Variants in PDS5B observed in about 807,000 individuals in gnomAD.
PDS5B encodes the protein sister chromatid cohesion protein PDS5 homolog B.
A neutral mutation model predicts 184.1 loss-of-function variants in PDS5B; 51 were observed. That is an observed-to-expected ratio of 0.28 (90% CI 0.22 to 0.35). The LOEUF is 0.35. Among genes scored for constraint, PDS5B ranks in the 10% least tolerant of loss-of-function variants. The pLI, the probability that PDS5B is intolerant of heterozygous loss-of-function variation, is 1.00. For missense variants in PDS5B, 1,180 were observed against 1,723.3 expected (o/e 0.68, Z 5.58); for synonymous variants, 566 against 569.2 (o/e 0.99, Z 0.08).
At chr13:32,615,805 A>T (rs1463867293) in intron 1 of PDS5B, among the ~76,000 whole-genome samples, 1 of 152,330 alleles carries the variant, frequency 6.6e-6, no homozygotes, top group East Asian at 1.9e-4. Flanking sequence ...AAGTACATAT[A>T]AGTAACTTAT....
At chr13:32,755,716 C>T in intron 25 of PDS5B, 126 bp from the exon 26 acceptor site, 1 of 535,504 alleles carries the variant, frequency 1.9e-6, no homozygotes, top group Non-Finnish European at 3.4e-6. Flanking sequence ...TGTTGGGATG[C>T]AGAAAATATA....
chr13:32,775,531 G>C lies in PDS5B; in HGVS notation c.*479G>C, dbSNP rs898449104. On this transcript the variant is annotated 3_prime_UTR_variant, in exon 35 of 35. Coordinates refer to ENST00000315596, the MANE Select transcript of PDS5B (RefSeq NM_015032.4). ...TTTCAACAATTGGTGTCATTTTCTT[G>C]ATGTCACTATTTGTTGGAGAGTTAA... is the stretch of plus-strand genomic sequence containing the variant. 5.4e-6 allele frequency: 2 copies of C among 369,940 alleles called. No individual in the cohort carries two copies. Among genetic ancestry groups the C allele is most frequent in the African/African-American group, 4.3e-5 (2 of 46,092 alleles). The allele number at this position is 369,940 out of a possible 1,614,324, so 22.9% of individuals were successfully genotyped here. A position where few individuals can be genotyped will look rare whatever the true frequency, so the allele number is the denominator to read the frequency against.
At chr13:32,604,572 A>C (rs2140491574) in intron 1 of PDS5B, among the ~76,000 whole-genome samples, 1 of 152,170 alleles carries the variant, frequency 6.6e-6, no homozygotes, top group African/African-American at 2.4e-5. Context: ...TGGTGTCAGG[A>C]TGATGTTGGC....
At chr13:32,665,224 A>C (rs1950752076) in intron 6 of PDS5B, among the ~76,000 whole-genome samples, 1 of 152,234 alleles carries the variant, frequency 6.6e-6, no homozygotes, top group Admixed American at 6.5e-5. Context: ...CTTAGACCAT[A>C]CATAAGAATA....
chr13:32,614,148 AAATTGGG>A (rs1167947951), intron 1 of PDS5B, among the ~76,000 whole-genome samples: 2 of 152,188 alleles, frequency 1.3e-5, no homozygotes, highest in African/African-American at 4.8e-5. Context: ...GTAAGTTATG[AAATTGGG>A]AATTGTGAGC....
chr13:32,695,822 A>C (rs1297273533), intron 14 of PDS5B, among the ~76,000 whole-genome samples: 1 of 152,082 alleles, frequency 6.6e-6, no homozygotes, highest in Admixed American at 6.6e-5. Flanking sequence ...TGAAATCACT[A>C]GATACAGTCT....
chr13:32,737,115 A>G (rs1010233379), intron 21 of PDS5B, among the ~76,000 whole-genome samples: 7 of 152,060 alleles, frequency 4.6e-5, no homozygotes, highest in African/African-American at 1.4e-4. Flanking sequence ...TACCTTGTAC[A>G]TATATTGCTT....
At chr13:32,733,437 A>C (rs1953194935) in intron 20 of PDS5B, among the ~76,000 whole-genome samples, 2 of 152,280 alleles carry the variant, frequency 1.3e-5, no homozygotes, top group South Asian at 4.1e-4. Flanking sequence ...TAATTGAAAA[A>C]ACTACACTAT....
chr13:32,722,717 AG>A (rs1447076232), intron 19 of PDS5B, among the ~76,000 whole-genome samples: 1 of 152,224 alleles, frequency 6.6e-6, no homozygotes, highest in Non-Finnish European at 1.5e-5. Context: ...TTGGTAATTC[AG>A]GGATACAAAT....
At chr13:32,643,805 A>C (rs1255911634) in intron 1 of PDS5B, among the ~76,000 whole-genome samples, 2 of 152,174 alleles carry the variant, frequency 1.3e-5, no homozygotes, top group Non-Finnish European at 2.9e-5. Context: ...ATGTTTGCAC[A>C]ACAATAAAAT....
At chr13:32,771,280 C>G (rs1196760180) in intron 33 of PDS5B, among the ~76,000 whole-genome samples, 2 of 151,878 alleles carry the variant, frequency 1.3e-5, no homozygotes, top group African/African-American at 4.8e-5. Context: ...GTTTTCTAAC[C>G]CAGTTCATTT....
At chr13:32,739,432 T>A (rs1953462352) in intron 21 of PDS5B, among the ~76,000 whole-genome samples, 1 of 152,206 alleles carries the variant, frequency 6.6e-6, no homozygotes, top group African/African-American at 2.4e-5. Flanking sequence ...CTAAATAAAG[T>A]TTTTAAGATT....
At chr13:32,704,616 T>C (rs1363780615) in intron 17 of PDS5B, among the ~76,000 whole-genome samples, 3 of 152,238 alleles carry the variant, frequency 2.0e-5, no homozygotes, top group Non-Finnish European at 4.4e-5. Context: ...TCCTTTATTA[T>C]AGCGTAAATT....
At chr13:32,717,006 C>T (rs1196205784) in intron 19 of PDS5B, among the ~76,000 whole-genome samples, 8 of 85,600 alleles carry the variant, frequency 9.3e-5, no homozygotes, top group Admixed American at 2.9e-4. Context: ...CTGCCCCGTC[C>T]GGGAGGGAGG....
At chr13:32,680,758 T>C (rs556123409) in intron 10 of PDS5B, among the ~76,000 whole-genome samples, 2 of 152,194 alleles carry the variant, frequency 1.3e-5, no homozygotes, top group African/African-American at 4.8e-5. Flanking sequence ...TTTTGAAGAG[T>C]GTAGTGTATA....
chr13:32,770,533 A>G lies in PDS5B; in HGVS notation c.4037A>G (p.His1346Arg), dbSNP rs1460283748. The G allele has an allele frequency of 1.2e-6, 2 of 1,609,396 alleles. No individual in the cohort carries two copies. The highest frequency in any genetic ancestry group is 1.7e-6 in the Non-Finnish European group (2 of 1,178,924). Residue 1346 changes from histidine to arginine, a missense_variant, in exon 32 of 35, where the codon CAC (histidine) becomes CGC (arginine). By Grantham distance (29) the His-to-Arg change is conservative. Coordinates refer to ENST00000315596, the MANE Select transcript of PDS5B (RefSeq NM_015032.4). ...GAACAGAAGTCCAAAAGCAAACAGCACCGAGTGTCAAGGAGAGCACAGCAG... is the reference window on the plus strand; with the variant it reads ...GAACAGAAGTCCAAAAGCAAACAGCGCCGAGTGTCAAGGAGAGCACAGCAG... ...NTEQKSKSKQ[H>R]RVSRRAQQRA...
chr13:32,682,707 G>A (rs1370314600), intron 10 of PDS5B, among the ~76,000 whole-genome samples: 6 of 152,166 alleles, frequency 3.9e-5, no homozygotes, highest in Admixed American at 6.5e-5. Flanking sequence ...CTCCATATTA[G>A]TTATACTGTT....
intron 1 of PDS5B, among the ~76,000 whole-genome samples, chr13:32,635,862 C>T (rs998136798): frequency 4.0e-5 from 6 of 149,580 alleles, no homozygotes; most frequent in African/African-American, 1.5e-4. Flanking sequence ...TCCACCTCCT[C>T]GGTTCACGCC....
chr13:32,610,273 A>G (rs143161329), intron 1 of PDS5B, among the ~76,000 whole-genome samples: 1 of 152,354 alleles, frequency 6.6e-6, no homozygotes, highest in African/African-American at 2.4e-5. Flanking sequence ...AAGACGTATA[A>G]ATAAGAAAGT....
Sources: gnomAD v4.1 joint callset for allele counts (sites outside exome capture counted in the v4.1 genomes callset) on GRCh38, gnomAD v4.1.1 for gene constraint, MANE v1.5 for transcripts, NCBI Gene and HGNC (gene_info 2026-07-23, HGNC 2026-07-21) for gene names.